Variants in CECR2 observed in about 807,000 individuals in gnomAD.
CECR2 encodes chromatin remodeling regulator CECR2.
In CECR2, 30 loss-of-function variants were observed where a neutral mutation model predicts 154.5. The observed-to-expected ratio is 0.19, with a 90% CI of 0.15 to 0.26. The LOEUF (loss-of-function observed/expected upper bound fraction) is 0.26, where lower values mean the gene tolerates loss of function less well. Among genes scored for constraint, CECR2 ranks in the 10% least tolerant of loss-of-function variants. The pLI, the probability that CECR2 is intolerant of heterozygous loss-of-function variation, is 1.00. For missense variants in CECR2, 1,743 were observed against 1,829.3 expected, an observed-to-expected ratio of 0.95 and a Z score of 0.86; for synonymous variants, 725 against 683.7, an observed-to-expected ratio of 1.06 and a Z score of -0.94.
At chr22:17,428,232 T>C (rs145274707) in intron 1 of CECR2, 5 of 152,186 alleles carry the variant, frequency 3.3e-5, no homozygotes, top group Non-Finnish European at 7.3e-5. Flanking sequence ...CTTTGTCAGA[T>C]GGTTAGATTG....
intron 1 of CECR2, among the ~76,000 whole-genome samples, chr22:17,384,970 T>C (rs2063241398): frequency 6.6e-6 from 1 of 152,224 alleles, no homozygotes; most frequent in South Asian, 2.1e-4. Context: ...GGCCTTGTCT[T>C]GCATGTTTAC....
At chr22:17,501,987 A>T (rs965291052) in intron 5 of CECR2, among the ~76,000 whole-genome samples, 2 of 152,236 alleles carry the variant, frequency 1.3e-5, no homozygotes, top group African/African-American at 2.4e-5. Flanking sequence ...TCAGATGCTC[A>T]GCAGCCACAT....
Position 17,549,554 on chromosome 22 carries a change from A to T in CECR2, c.4267A>T (p.Arg1423Ter), listed in dbSNP as rs752417080. ...AAGAGGACCTTTCCAGGAAATGTAC[A>T]GACCATCAGGGTAAGATTGCATTCA... Reference protein sequence around the residue: ...GIRGPFQEMYRPSGMQMHPVQ... With the variant: ...GIRGPFQEMY Residue 1423 changes from arginine (R) to a stop codon, truncating the protein, a stop_gained, in exon 17 of 19, where the codon AGA becomes TGA. Transcript: ENST00000262608. LOFTEE classifies it high-confidence loss of function. The T allele has an allele frequency of 3.8e-6, 6 of 1,588,702 alleles. No individual in the cohort carries two copies. The African/African-American group carries it at 6.7e-5, about 18-fold the overall frequency.
rs2056512884 is a variant in CECR2, at chr22:17,540,850, A to G, written c.1884+50A>G. 11 of 1,495,026 alleles carry G rather than the reference A, an allele frequency of 7.4e-6. No individual in the cohort carries two copies. The East Asian group carries it at 1.9e-4, about 25-fold the overall frequency. 92.6% of individuals were successfully genotyped at this position (1,495,026 alleles called of 1,614,324 possible). On this transcript the variant is annotated intron_variant, in intron 14 of 18. Transcript: ENST00000262608. ...GCGGTTTCTCCTAGTTTGTGAGTTC[A>G]TAGTAATGTAGAGGCCATTCAGTTA...
At chr22:17,485,449 AC>A (rs1386750224) in intron 2 of CECR2, among the ~76,000 whole-genome samples, 1 of 152,194 alleles carries the variant, frequency 6.6e-6, no homozygotes, top group Admixed American at 6.5e-5. Flanking sequence ...ATAAGATTAC[AC>A]CCGAACCCAA....
chr22:17,550,156 A>G (rs2056686495), intron 17 of CECR2: 1 of 146,654 alleles, frequency 6.8e-6, no homozygotes, highest in Admixed American at 6.7e-5. Context: ...TTATTTATTT[A>G]TTTATTTTTG....
chr22:17,498,035 GT>G (rs1302078041), intron 3 of CECR2, among the ~76,000 whole-genome samples: 1 of 152,204 alleles, frequency 6.6e-6, no homozygotes, highest in East Asian at 1.9e-4. Flanking sequence ...TACAAAAAAT[GT>G]GTTGAAGGAA....
intron 1 of CECR2, among the ~76,000 whole-genome samples, chr22:17,375,960 T>TAAA (rs879827682): frequency 7.4e-6 from 1 of 134,570 alleles, no homozygotes; most frequent in Non-Finnish European, 1.6e-5. Context: ...GACTCTTATC[T>TAAA]AAAAAAAAAA....
At chr22:17,485,597 C>T (rs728356) in intron 2 of CECR2, among the ~76,000 whole-genome samples, 73 of 151,946 alleles carry the variant, frequency 4.8e-4, no homozygotes, top group African/African-American at 1.8e-3. Flanking sequence ...GGTGAAACCC[C>T]GGCTCTACAA....
chr22:17,516,175 G>A (rs61417078), intron 8 of CECR2, among the ~76,000 whole-genome samples: 75 of 152,030 alleles, frequency 4.9e-4, no homozygotes, highest in African/African-American at 1.7e-3. Context: ...AGAGGAGAGG[G>A]ACAGATAACC....
intron 8 of CECR2, among the ~76,000 whole-genome samples, chr22:17,520,563 A>ATCCC (rs1211786334): frequency 6.6e-6 from 1 of 152,000 alleles, no homozygotes; most frequent in Non-Finnish European, 1.5e-5. Context: ...TCCTAATGCT[A>ATCCC]TCCCTCCCCC....
chr22:17,478,487 C>T (rs2055248715), intron 2 of CECR2, among the ~76,000 whole-genome samples: 1 of 151,638 alleles, frequency 6.6e-6, no homozygotes, highest in East Asian at 1.9e-4. Context: ...TCTCGAGTAG[C>T]TGGGACTACA....
chr22:17,378,483 A>G (rs1374412088), intron 1 of CECR2, among the ~76,000 whole-genome samples: 1 of 151,462 alleles, frequency 6.6e-6, no homozygotes, highest in Non-Finnish European at 1.5e-5. Flanking sequence ...TTTTTAGTAG[A>G]GACGGGGTTT....
chr22:17,503,899 T>C (rs971129091), intron 6 of CECR2, among the ~76,000 whole-genome samples: 5 of 151,668 alleles, frequency 3.3e-5, no homozygotes, highest in Non-Finnish European at 7.4e-5. Context: ...ATACAAAAAT[T>C]ACCTGGGCGT....
At chr22:17,398,291 C>T (rs1018084700) in intron 1 of CECR2, among the ~76,000 whole-genome samples, 2 of 151,956 alleles carry the variant, frequency 1.3e-5, no homozygotes, top group East Asian at 1.9e-4. Flanking sequence ...TGGTATGACT[C>T]GTCCGATCTG....
At chr22:17,372,770 T>C (rs1444995987) in intron 1 of CECR2, among the ~76,000 whole-genome samples, 24 of 152,178 alleles carry the variant, frequency 1.6e-4, no homozygotes, top group Admixed American at 1.6e-3. Context: ...TCTGCAACTT[T>C]AAAAGGTAAA....
At position 17,436,168 on chromosome 22, in the gene CECR2, C is replaced by T. The variant is rs113329610; in HGVS notation, c.127-41420C>T. 4.4e-4 allele frequency among the ~76,000 whole-genome samples: 67 copies of T among 152,220 alleles called. 2 individuals carry two copies. Among genetic ancestry groups the T allele is most frequent in the African/African-American group, 1.5e-3 (61 of 41,550 alleles). On this transcript the variant is annotated intron_variant, in intron 1 of 18. Transcript: ENST00000262608. Reference sequence around the variant, plus strand: ...AGAGACGGGGTTTCACGGTGTTAGCCAGGATGGTCTTGATCTCCTGATCTC... The same window carrying T: ...AGAGACGGGGTTTCACGGTGTTAGCTAGGATGGTCTTGATCTCCTGATCTC...
At chr22:17,428,583 A>C (rs2054367432) in intron 1 of CECR2, 1 of 152,194 alleles carries the variant, frequency 6.6e-6, no homozygotes, top group African/African-American at 2.4e-5. Flanking sequence ...TTTCACAATA[A>C]AAGTTTTCAA....
chr22:17,399,698 G>A (rs2053863990), intron 1 of CECR2, among the ~76,000 whole-genome samples: 3 of 152,196 alleles, frequency 2.0e-5, no homozygotes, highest in African/African-American at 2.4e-5. Context: ...GTGAGCCACC[G>A]CACCCAACCT....
Sources: allele counts gnomAD v4.1 joint callset (sites outside exome capture counted in the v4.1 genomes callset), GRCh38; gene constraint gnomAD v4.1.1; transcripts MANE v1.5; gene names NCBI Gene and HGNC (gene_info 2026-07-23, HGNC 2026-07-21).